HDAC4: variants seen among roughly 807,000 people sequenced by gnomAD.
HDAC4 encodes the protein histone deacetylase 4.
In HDAC4, 16 loss-of-function variants were observed where a neutral mutation model predicts 135.1. The ratio of observed to expected loss-of-function variants is 0.12; its 90% CI spans 0.08 to 0.18. The LOEUF is 0.18. Ranked by LOEUF, HDAC4 falls within the 10% of genes least tolerant of loss-of-function variation. The pLI is 1.00. For synonymous variants in HDAC4, 685 were observed against 653.4 expected (o/e 1.05, Z -0.74); for missense variants, 1,143 against 1,511.8 (o/e 0.76, Z 4.05).
Position 239,156,656 on chromosome 2 carries a change from T to C in HDAC4, c.729A>G (p.Lys243=). The change falls in exon 7 of 27, where the codon AAA becomes AAG. Residue 243 remains lysine (K), a synonymous_variant. Transcript: ENST00000543185. ...ACAGCATGCCTGGGCACTGACCTGT[T>C]TTCCTAAGAGGGAAGTCATCTTTGG... ...YDAKDDFPLR[K]TASEPNLKLR... is the part of the protein sequence containing the mutation. The C allele has an allele frequency of 6.2e-7, 1 of 1,614,132 alleles. No homozygotes were observed. Among genetic ancestry groups the C allele is most frequent in the Non-Finnish European group, 8.5e-7 (1 of 1,180,004 alleles).
At position 239,141,106 on chromosome 2, in the gene HDAC4, C is replaced by A; in HGVS notation, c.866-1310G>T. 3.6e-6 allele frequency: 1 copy of A among 275,486 alleles called. No homozygotes were observed. The highest frequency in any genetic ancestry group is 3.1e-5 in the South Asian group (1 of 32,084). 17.1% of individuals were successfully genotyped at this position (275,486 alleles called of 1,614,324 possible). A position where few individuals can be genotyped will look rare whatever the true frequency, so the allele number is the denominator to read the frequency against. On this transcript the variant is annotated intron_variant, in intron 8 of 26. Coordinates refer to ENST00000543185, the MANE Select transcript of HDAC4 (RefSeq NM_001378414.1). The surrounding 1 kb of genome is among the most constrained non-coding windows in gnomAD (Gnocchi z 4.9). ...AAGAGGAGATGGAGGCATGGAGCAGCAACATCACTCGTCCCAGGCCACGTG... is the reference window on the plus strand; with the variant it reads ...AAGAGGAGATGGAGGCATGGAGCAGAAACATCACTCGTCCCAGGCCACGTG...
intron 1 of HDAC4, among the ~76,000 whole-genome samples, chr2:239,359,124 T>C (rs924157451): frequency 6.6e-6 from 1 of 152,222 alleles, no homozygotes; most frequent in Non-Finnish European, 1.5e-5. Context: ...GGTTTTAACA[T>C]GAATTTCTCT....
chr2:239,054,785 C>A lies in HDAC4; in HGVS notation c.3052G>T (p.Ala1018Ser). ...KVLQQRPNANAVRSMEKVMEI... is the reference protein window; with the variant it reads ...KVLQQRPNANSVRSMEKVMEI... ...ATGACTTTCTCCATGGAACGGACAG[C>A]GTTTGCATTGGGTCTTTGCTGTAAA... is the stretch of plus-strand genomic sequence containing the variant. Residue 1018 changes from alanine to serine, a missense_variant, in exon 25 of 27, where the codon GCT becomes TCT. Coordinates refer to ENST00000543185, the MANE Select transcript of HDAC4 (RefSeq NM_001378414.1). 6.2e-7 allele frequency: 1 copy of A among 1,613,468 alleles called. No individual in the cohort carries two copies. The highest frequency in any genetic ancestry group is 8.5e-7 in the Non-Finnish European group (1 of 1,179,480).
intron 11 of HDAC4, among the ~76,000 whole-genome samples, chr2:239,128,489 C>G (rs922998271): frequency 4.0e-5 from 6 of 151,012 alleles, no homozygotes; most frequent in African/African-American, 1.2e-4. Context: ...GATAATGCCA[C>G]TGCACTTCAG....
At chr2:239,164,153 T>G (rs2042988931) in intron 5 of HDAC4, among the ~76,000 whole-genome samples, 2 of 152,226 alleles carry the variant, frequency 1.3e-5, no homozygotes. Flanking sequence ...AAATGCAGAT[T>G]TAATCATCCG....
chr2:239,164,766 A>G (rs7604498), intron 5 of HDAC4, among the ~76,000 whole-genome samples: 128,420 of 152,298 alleles, frequency 0.84, 54,285 homozygotes, highest in South Asian at 0.95. Context: ...CGACTGGGAG[A>G]CAGTTTTGGT....
rs1488230871 is a variant in HDAC4 at position 239,172,307 on chromosome 2, T to A, written c.490+4106A>T. 3.9e-4 allele frequency among the ~76,000 whole-genome samples: 53 copies of A among 135,834 alleles called. 2 individuals carry two copies. The highest frequency in any genetic ancestry group is 1.2e-3 in the Admixed American group (17 of 14,010). The allele number at this position is 135,834 out of a possible 152,430, so 89.1% of individuals were successfully genotyped here. On this transcript the variant is annotated intron_variant, in intron 5 of 26. Coordinates refer to ENST00000543185, the MANE Select transcript of HDAC4 (RefSeq NM_001378414.1). ...TGGTGAAAAAAAATATATATATATA[T>A]ATATATATATATCACTAAAAACATA...
rs140652172 is a variant in HDAC4 at position 239,052,308 on chromosome 2, G to A, written c.*789C>T. 3 of 152,394 alleles carry A rather than the reference G, an allele frequency of 2.0e-5. No individual in the cohort carries two copies. Among genetic ancestry groups the A allele is most frequent in the Non-Finnish European group, 4.4e-5 (3 of 68,038 alleles). The allele number at this position is 152,394 out of a possible 1,614,324, so 9.4% of individuals were successfully genotyped here. On this transcript the variant is annotated 3_prime_UTR_variant, in exon 27 of 27. Coordinates refer to ENST00000543185, the MANE Select transcript of HDAC4 (RefSeq NM_001378414.1). ...TCGCGGTGCCAGCACTGCCAGGCTC[G>A]GCTGGCCACAGGAAACTGTCCCACC...
At chr2:239,239,294 A>C (rs541785305) in intron 2 of HDAC4, among the ~76,000 whole-genome samples, 2 of 152,346 alleles carry the variant, frequency 1.3e-5, no homozygotes, top group African/African-American at 4.8e-5. Flanking sequence ...AAACTCAGAA[A>C]AACACTTTAC....
chr2:239,298,081 G>C lies in HDAC4; in HGVS notation c.22+54597C>G, dbSNP rs772839082. On this transcript the variant is annotated intron_variant, in intron 2 of 26. Transcript: ENST00000543185. ...GATACCTGTGTGTCATGGGTCTTTA[G>C]GGTTGCTAAAATATTTCACAGGATA... 2.9e-4 allele frequency: 187 copies of C among 641,668 alleles called. 1 individual carries two copies. The highest frequency in any genetic ancestry group is 4.2e-4 in the Non-Finnish European group (168 of 397,152). 39.7% of individuals were successfully genotyped at this position (641,668 alleles called of 1,614,324 possible). A position where few individuals can be genotyped will look rare whatever the true frequency, so the allele number is the denominator to read the frequency against.
chr2:239,102,910 C>T lies in HDAC4; in HGVS notation c.2113-14G>A, dbSNP rs765416965. On this transcript the variant is annotated splice_polypyrimidine_tract_variant and intron_variant, in intron 15 of 26. Transcript: ENST00000543185. ...TCCGCGGATGCACTGTGGGGACAGGCGAGAGGACACTCACACGTTCTGCAG... is the reference window on the plus strand; with the variant it reads ...TCCGCGGATGCACTGTGGGGACAGGTGAGAGGACACTCACACGTTCTGCAG... The T allele has an allele frequency of 1.2e-5, 19 of 1,613,596 alleles. No homozygotes were observed. Among genetic ancestry groups the T allele is most frequent in the East Asian group, 8.9e-5 (4 of 44,870 alleles).
intron 1 of HDAC4, among the ~76,000 whole-genome samples, chr2:239,381,226 C>G (rs146807018): frequency 6.6e-6 from 1 of 152,358 alleles, no homozygotes; most frequent in East Asian, 1.9e-4. Context: ...AGACAAATGA[C>G]TCTCAGTGCT....
chr2:239,283,046 T>A (rs1235580118), intron 2 of HDAC4, among the ~76,000 whole-genome samples: 1 of 152,238 alleles, frequency 6.6e-6, no homozygotes, highest in Non-Finnish European at 1.5e-5. Context: ...ACAAACAATG[T>A]ACACACCACT....
chr2:239,399,890 G>C (rs2126142499), intron 1 of HDAC4, among the ~76,000 whole-genome samples: 1 of 152,300 alleles, frequency 6.6e-6, no homozygotes, highest in African/African-American at 2.4e-5. Flanking sequence ...TGTCACAGCA[G>C]GTCAATTTAC....
chr2:239,365,439 G>C (rs1694126960), intron 1 of HDAC4, among the ~76,000 whole-genome samples: 1 of 152,230 alleles, frequency 6.6e-6, no homozygotes, highest in East Asian at 1.9e-4. Context: ...GCTGAGCTGA[G>C]GCCACCATTC....
Position 239,139,735 on chromosome 2 carries a change from G to A in HDAC4, c.927C>T (p.Ser309=), listed in dbSNP as rs750755708. 28 of 1,613,994 alleles carry A rather than the reference G, an allele frequency of 1.7e-5. No homozygotes were observed. The East Asian group carries it at 3.6e-4, about 21-fold the overall frequency. ...GPSSPNNSSG[S]VSAENGIAPA... ...GCGCGATACCGTTCTCCGCGCTGACGCTCCCGGAGCTGTTGTTGGGTGAGC... is the reference window on the plus strand; with the variant it reads ...GCGCGATACCGTTCTCCGCGCTGACACTCCCGGAGCTGTTGTTGGGTGAGC... The change falls in exon 9 of 27, where the codon AGC becomes AGT. Residue 309 remains serine, a synonymous_variant. Transcript: ENST00000543185. The surrounding 1 kb of genome is among the most constrained non-coding windows in gnomAD (Gnocchi z 5.3).
rs902729065 is a variant in HDAC4, at chr2:239,115,813, G to A, written c.1534-503C>T. Among the ~76,000 whole-genome samples the A allele has an allele frequency of 3.3e-5, 5 of 152,072 alleles. No homozygotes were observed. Among genetic ancestry groups the A allele is most frequent in the East Asian group, 1.9e-4 (1 of 5,162 alleles). On this transcript the variant is annotated intron_variant, in intron 12 of 26. Coordinates refer to ENST00000543185, the MANE Select transcript of HDAC4 (RefSeq NM_001378414.1). The surrounding 1 kb of genome is among the most constrained non-coding windows in gnomAD (Gnocchi z 6.3). Reference sequence around the variant, plus strand: ...GCCTCCCCTCCTGCAGGATCCCACCGATGTGCCATGACCTCCCTCCTGCCG... The same window carrying A: ...GCCTCCCCTCCTGCAGGATCCCACCAATGTGCCATGACCTCCCTCCTGCCG...
chr2:239,199,318 C>G (rs372038196), intron 3 of HDAC4, among the ~76,000 whole-genome samples: 1 of 151,912 alleles, frequency 6.6e-6, no homozygotes, highest in Non-Finnish European at 1.5e-5. Flanking sequence ...TTTTGTGTTG[C>G]GAAGGCTCAA....
At chr2:239,164,517 A>G (rs1157101624) in intron 5 of HDAC4, among the ~76,000 whole-genome samples, 1 of 152,202 alleles carries the variant, frequency 6.6e-6, no homozygotes, top group Non-Finnish European at 1.5e-5. Flanking sequence ...CGTGGCGGTG[A>G]TTCTTTTTCA....
Sources: gnomAD v4.1 joint callset for allele counts (sites outside exome capture counted in the v4.1 genomes callset) on GRCh38, gnomAD v4.1.1 for gene constraint, Gnocchi (gnomAD v3.1) non-coding constraint, MANE v1.5 for transcripts, NCBI Gene and HGNC (gene_info 2026-07-23, HGNC 2026-07-21) for gene names.